Variants in POLD3 observed in about 807,000 individuals in gnomAD.
POLD3 encodes the protein DNA polymerase delta 3, accessory subunit, also known as DNA polymerase delta subunit 3.
In POLD3, 19 loss-of-function variants were observed where a neutral mutation model predicts 58.2. The ratio of observed to expected loss-of-function variants is 0.33; its 90% confidence interval spans 0.23 to 0.48. The LOEUF (loss-of-function observed/expected upper bound fraction) is 0.48. Ranked by LOEUF, POLD3 falls within the 20% of genes least tolerant of loss-of-function variation. The pLI is 0.99. For synonymous variants in POLD3, 172 were observed against 193.5 expected, an observed-to-expected ratio of 0.89 and a Z score of 0.92; for missense variants, 504 against 545.5, an observed-to-expected ratio of 0.92 and a Z score of 0.76.
At chr11:74,634,750 C>T in intron 10 of POLD3, 55 bp downstream of exon 10, 1 of 961,314 alleles carries the variant, frequency 1.0e-6, no homozygotes, top group Non-Finnish European at 1.7e-6. Flanking sequence ...TCTTAAGGAC[C>T]TACAACCACT....
At chr11:74,613,855 G>C (rs926287699) in intron 5 of POLD3, among the ~76,000 whole-genome samples, 1 of 152,188 alleles carries the variant, frequency 6.6e-6, no homozygotes, top group Non-Finnish European at 1.5e-5. Context: ...GAGGAATATT[G>C]GGGGAAGATG....
chr11:74,608,663 C>T (rs2031779876), intron 3 of POLD3, among the ~76,000 whole-genome samples: 1 of 152,108 alleles, frequency 6.6e-6, no homozygotes, highest in Admixed American at 6.5e-5. Flanking sequence ...TCAGTATCCC[C>T]CAGGGCAGTA....
chr11:74,605,938 G>C (rs951935215), intron 3 of POLD3, among the ~76,000 whole-genome samples: 8 of 152,140 alleles, frequency 5.3e-5, no homozygotes, highest in Non-Finnish European at 1.2e-4. Context: ...ACAAAAATTA[G>C]CCAGGCATGG....
At chr11:74,658,133 A>G (rs1238812456) in intron 4 of POLD3, among the ~76,000 whole-genome samples, 1 of 152,216 alleles carries the variant, frequency 6.6e-6, no homozygotes, top group Non-Finnish European at 1.5e-5. Flanking sequence ...AGAGTTCCAC[A>G]TGGCTGAGAA....
At chr11:74,627,025 A>T (rs1428836716) in intron 8 of POLD3, among the ~76,000 whole-genome samples, 5 of 152,186 alleles carry the variant, frequency 3.3e-5, no homozygotes, top group Admixed American at 2.6e-4. Context: ...ACTGCACTAT[A>T]CTTTTTATCA....
downstream of POLD3, among the ~76,000 whole-genome samples, chr11:74,646,328 A>G (rs2032999611): frequency 6.6e-6 from 1 of 152,190 alleles, no homozygotes; most frequent in South Asian, 2.1e-4. Flanking sequence ...CAAGATTGTC[A>G]GATTTGAAGG....
chr11:74,634,553 CTCTGA>C, intron 9 of POLD3, 25 bp from the exon 10 acceptor site: 1 of 1,182,060 alleles, frequency 8.5e-7, no homozygotes, highest in Non-Finnish European at 1.3e-6. Flanking sequence ...GCTTGTAGTT[CTCTGA>C]TCTAAGTCCG....
intron 9 of POLD3, 29 bp downstream of exon 9, chr11:74,629,352 G>A: frequency 7.7e-7 from 1 of 1,303,428 alleles, no homozygotes; most frequent in Non-Finnish European, 1.1e-6. Context: ...TTTGGGTTAG[G>A]GGGATCAATT....
At chr11:74,599,660 C>T (rs993536849) in intron 2 of POLD3, among the ~76,000 whole-genome samples, 1 of 152,230 alleles carries the variant, frequency 6.6e-6, no homozygotes, top group Admixed American at 6.5e-5. Flanking sequence ...CCGTGCCTGG[C>T]CTCATACTGT....
At chr11:74,660,598 A>G (rs979547808) in intron 4 of POLD3, among the ~76,000 whole-genome samples, 1 of 152,076 alleles carries the variant, frequency 6.6e-6, no homozygotes. Context: ...GCCTGGTAGG[A>G]GATGATTGTA....
intron 4 of POLD3, among the ~76,000 whole-genome samples, chr11:74,665,198 G>A (rs940380370): frequency 2.0e-5 from 3 of 149,986 alleles, no homozygotes; most frequent in Non-Finnish European, 4.4e-5. Context: ...CATGCCTGTA[G>A]TCCCAGCTGC....
chr11:74,640,955 C>A lies in POLD3; in HGVS notation c.*189C>A. On this transcript the variant is annotated 3_prime_UTR_variant, in exon 12 of 12. Transcript: ENST00000263681. ...AAGGAAATCATCTGGAAGCAGGAGG[C>A]AAAAAGCTGTTACCTTCTAATGACA... 1 of 1,263,156 alleles carries A rather than the reference C, an allele frequency of 7.9e-7. No homozygotes were observed. 78.2% of individuals were successfully genotyped at this position (1,263,156 alleles called of 1,614,324 possible).
rs148120340 is a variant in POLD3 at position 74,600,919 on chromosome 11, A to G, written c.117-3773A>G. ...TTTTTAATAGAGACGAGGTTTCTCT[A>G]TGTTGGTTAGGCTGGTCTCAAACTC... On this transcript the variant is annotated intron_variant, in intron 2 of 11. Coordinates refer to ENST00000263681, the MANE Select transcript of POLD3 (RefSeq NM_006591.3). Among the ~76,000 whole-genome samples the G allele has an allele frequency of 8.3e-3, 1,267 of 152,028 alleles. 13 individuals carry two copies. The highest frequency in any genetic ancestry group is 0.029 in the African/African-American group (1,200 of 41,466).
chr11:74,633,595 C>T (rs1318441174), intron 9 of POLD3, among the ~76,000 whole-genome samples: 1 of 152,126 alleles, frequency 6.6e-6, no homozygotes, highest in Non-Finnish European at 1.5e-5. Context: ...GCTACCCGGT[C>T]CCCTGACCAG....
Position 74,613,159 on chromosome 11 carries a change from C to CA in POLD3, c.392+150dup, listed in dbSNP as rs1171926202. On this transcript the variant is annotated intron_variant, in intron 5 of 11. Coordinates refer to ENST00000263681, the MANE Select transcript of POLD3 (RefSeq NM_006591.3). ...AACATGCCTGGTTTTATTAGTACATCATAAGGTGAAAAATAGCAGCCACAA... is the reference window on the plus strand; with the variant it reads ...AACATGCCTGGTTTTATTAGTACATCAATAAGGTGAAAAATAGCAGCCACAA... The CA allele has an allele frequency of 4.2e-6, 3 of 714,128 alleles. No homozygotes were observed. In the African/African-American group the frequency reaches 5.3e-5, roughly 13 times the overall value. The allele number at this position is 714,128 out of a possible 1,614,324, so 44.2% of individuals were successfully genotyped here. A position where few individuals can be genotyped will look rare whatever the true frequency, so the allele number is the denominator to read the frequency against.
rs1591306014 is a variant in POLD3, at chr11:74,620,887, A to T, written c.733+798A>T. Among the ~76,000 whole-genome samples the T allele has an allele frequency of 2.7e-5, 4 of 150,836 alleles. No individual in the cohort carries two copies. The South Asian group carries it at 8.4e-4, about 32-fold the overall frequency. ...TTAGTTAGAATTCTGCCTTTCCATGATGGCTAAATTGGTGGTCACGGGAGG... is the reference window on the plus strand; with the variant it reads ...TTAGTTAGAATTCTGCCTTTCCATGTTGGCTAAATTGGTGGTCACGGGAGG... On this transcript the variant is annotated intron_variant, in intron 7 of 11. Coordinates refer to ENST00000263681, the MANE Select transcript of POLD3 (RefSeq NM_006591.3).
At chr11:74,636,387 A>C in intron 11 of POLD3, 112 bp downstream of exon 11, 1 of 1,034,940 alleles carries the variant, frequency 9.7e-7, no homozygotes, top group Non-Finnish European at 1.4e-6. Context: ...CATGTGAATC[A>C]TGCCCAAGTG....
intron 2 of POLD3, among the ~76,000 whole-genome samples, chr11:74,596,582 TAATA>T (rs2031266985): frequency 6.6e-6 from 1 of 152,234 alleles, no homozygotes; most frequent in African/African-American, 2.4e-5. Context: ...TAAATCTAGC[TAATA>T]AATGTATTAC....
At chr11:74,656,753 T>A (rs551433289) in intron 4 of POLD3, among the ~76,000 whole-genome samples, 1,718 of 152,082 alleles carry the variant, frequency 0.011, 28 homozygotes, top group African/African-American at 0.039. Context: ...GGTTTTTTTT[T>A]TTTTTTTAAG....
Sources: gnomAD v4.1 joint callset for allele counts (sites outside exome capture counted in the v4.1 genomes callset) on GRCh38, gnomAD v4.1.1 for gene constraint, MANE v1.5 for transcripts, NCBI Gene and HGNC (gene_info 2026-07-23, HGNC 2026-07-21) for gene names.